DYNC2H1: variants seen among roughly 807,000 people sequenced by gnomAD.
The protein encoded by DYNC2H1 is dynein cytoplasmic 2 heavy chain 1, also known as cytoplasmic dynein 2 heavy chain 1.
A neutral mutation model predicts 570.0 loss-of-function variants in DYNC2H1; 410 were observed. That is an observed-to-expected ratio of 0.72 (90% CI 0.66 to 0.78). The LOEUF is 0.78. DYNC2H1 is among the 30% of genes least tolerant of loss of function. DYNC2H1 has a pLI of 0.00. For missense variants in DYNC2H1, 4,865 were observed against 5,046.4 expected (o/e 0.96, Z 1.09); for synonymous variants, 1,688 against 1,677.6 (o/e 1.01, Z -0.15).
chr11:103,479,260 A>T lies in DYNC2H1; in HGVS notation c.*7A>T. On this transcript the variant is annotated 3_prime_UTR_variant, in exon 89 of 89. Coordinates refer to ENST00000375735, the MANE Select transcript of DYNC2H1 (RefSeq NM_001377.3). ...ATTCCTAAAAAATCAGTAGAATCTA[A>T]TGACAACAAAAGCCATCTTCACAAA... 1 of 1,607,126 alleles carries T rather than the reference A, an allele frequency of 6.2e-7. No individual in the cohort carries two copies. The highest frequency in any genetic ancestry group is 8.5e-7 in the Non-Finnish European group (1 of 1,175,954).
chr11:103,409,386 G>A (rs1175281935), intron 84 of DYNC2H1, among the ~76,000 whole-genome samples: 2 of 146,966 alleles, frequency 1.4e-5, no homozygotes, highest in African/African-American at 5.1e-5. Context: ...GTAATGTTAG[G>A]AGTTCAGTAG....
At position 103,134,300 on chromosome 11, in the gene DYNC2H1, G is replaced by A. The variant is rs765200071; in HGVS notation, c.2107-21G>A. On this transcript the variant is annotated intron_variant, in intron 14 of 88. Coordinates refer to ENST00000375735, the MANE Select transcript of DYNC2H1 (RefSeq NM_001377.3). ...TTTTTCCAGCAATACTTTGAGACTA[G>A]CATGCTCTAATTTTTCATAGGTGGT... is the stretch of plus-strand genomic sequence containing the variant. 8.7e-6 allele frequency: 14 copies of A among 1,607,716 alleles called. No homozygotes were observed. The Admixed American group carries it at 2.3e-4, about 27-fold the overall frequency.
chr11:103,276,360 C>T (rs1865905957), intron 70 of DYNC2H1, among the ~76,000 whole-genome samples: 1 of 151,574 alleles, frequency 6.6e-6, no homozygotes. Context: ...CATATTTATC[C>T]CAACCTGTAG....
At chr11:103,115,109 G>A in intron 3 of DYNC2H1, 68 bp from the exon 4 acceptor site, 3 of 1,172,396 alleles carry the variant, frequency 2.6e-6, no homozygotes, top group Non-Finnish European at 2.5e-6. Flanking sequence ...TTGCTGCTCT[G>A]CTGTTTTGTA....
At chr11:103,218,337 A>C (rs1471714817) in intron 55 of DYNC2H1, among the ~76,000 whole-genome samples, 1 of 152,236 alleles carries the variant, frequency 6.6e-6, no homozygotes, top group Admixed American at 6.5e-5. Context: ...AGAAACAGCC[A>C]AACTATGATA....
rs192752934 is a variant in DYNC2H1, at chr11:103,167,285, G to A, written c.4762+1237G>A. 1.8e-3 allele frequency among the ~76,000 whole-genome samples: 263 copies of A among 150,266 alleles called. 1 individual carries two copies. Among genetic ancestry groups the A allele is most frequent in the African/African-American group, 6.2e-3 (252 of 40,920 alleles). ...AAAGTATTTTTTTTTTTTGGAGGGC[G>A]GGGACAGGTTCTTGCTCTGTTATCC... On this transcript the variant is annotated intron_variant, in intron 31 of 88. Coordinates refer to ENST00000375735, the MANE Select transcript of DYNC2H1 (RefSeq NM_001377.3).
rs1264606395 is a variant in DYNC2H1 at position 103,369,719 on chromosome 11, AGC to A, written c.12156+11361_12156+11362del. Among the ~76,000 whole-genome samples, 12 of 152,192 alleles carry A rather than the reference AGC, an allele frequency of 7.9e-5. No individual in the cohort carries two copies. Among genetic ancestry groups the A allele is most frequent in the Non-Finnish European group, 1.6e-4 (11 of 68,038 alleles). ...TTCGTAGACACTCACTGCATCAGAA[AGC>A]AACCTGCTGCCTTGAAGGGAAGTAC... On this transcript the variant is annotated intron_variant, in intron 83 of 88. Coordinates refer to ENST00000375735, the MANE Select transcript of DYNC2H1 (RefSeq NM_001377.3). This position sits in a 1 kb window ranked among gnomAD's most constrained non-coding sequence, Gnocchi z 4.0.
At chr11:103,125,365 G>GTT in intron 12 of DYNC2H1, 70 bp downstream of exon 12, 3 of 957,774 alleles carry the variant, frequency 3.1e-6, no homozygotes, top group Non-Finnish European at 4.2e-6. Flanking sequence ...TATGCTAAAG[G>GTT]CTTTTTTTTT....
rs117486581 is a variant in DYNC2H1, at chr11:103,366,083, G to A, written c.12156+7724G>A. 8.6e-3 allele frequency among the ~76,000 whole-genome samples: 1,312 copies of A among 152,290 alleles called. 15 individuals are homozygous for A. The highest frequency in any genetic ancestry group is 0.014 in the Non-Finnish European group (964 of 68,020). The stretch of plus-strand genomic sequence containing the variant: ...AACCAAGGATAATTGAATAGCTAGT[G>A]TCTCCTTAGGTGGTACAACAAAAAT... On this transcript the variant is annotated intron_variant, in intron 83 of 88. Transcript: ENST00000375735.
At chr11:103,339,791 G>A (rs1939350741) in intron 82 of DYNC2H1, among the ~76,000 whole-genome samples, 1 of 152,232 alleles carries the variant, frequency 6.6e-6, no homozygotes, top group African/African-American at 2.4e-5. Context: ...AGAGGCCCAG[G>A]CCACTTTATT....
chr11:103,411,860 GCCTCAGAAA>G, intron 84 of DYNC2H1, among the ~76,000 whole-genome samples: 1 of 152,082 alleles, frequency 6.6e-6, no homozygotes, highest in East Asian at 1.9e-4. Context: ...AAGAAATGCA[GCCTCAGAAA>G]ATATCACTAT....
Position 103,369,888 on chromosome 11 carries a change from C to T in DYNC2H1, c.12156+11529C>T, listed in dbSNP as rs954961594. On this transcript the variant is annotated intron_variant, in intron 83 of 88. Coordinates refer to ENST00000375735, the MANE Select transcript of DYNC2H1 (RefSeq NM_001377.3). The surrounding 1 kb of genome is among the most constrained non-coding windows in gnomAD (Gnocchi z 4.0). ...GGCTTCAGGTGAGACTCAGCACATTCCCAGCTGTGGTGGTTGTGGAGAAAG... is the reference window on the plus strand; with the variant it reads ...GGCTTCAGGTGAGACTCAGCACATTTCCAGCTGTGGTGGTTGTGGAGAAAG... Among the ~76,000 whole-genome samples the T allele has an allele frequency of 6.6e-6, 1 of 152,164 alleles. No homozygotes were observed. The highest frequency in any genetic ancestry group is 2.4e-5 in the African/African-American group (1 of 41,452).
intron 85 of DYNC2H1, among the ~76,000 whole-genome samples, chr11:103,442,575 G>T (rs963431471): frequency 1.3e-5 from 2 of 152,044 alleles, no homozygotes; most frequent in Non-Finnish European, 2.9e-5. Flanking sequence ...AGTACTCTAT[G>T]GTCTACAATG....
At chr11:103,413,651 G>A (rs1591712257) in intron 84 of DYNC2H1, among the ~76,000 whole-genome samples, 1 of 152,128 alleles carries the variant, frequency 6.6e-6, no homozygotes, top group East Asian at 1.9e-4. Context: ...TGTTTGAACT[G>A]AACTGCATAT....
In DYNC2H1 at chr11:103,120,799, G is replaced by C. The variant is rs1335289406; in HGVS notation, c.1245G>C (p.Gln415His). 1 of 1,509,314 alleles carries C rather than the reference G, an allele frequency of 6.6e-7. No individual in the cohort carries two copies. The highest frequency in any genetic ancestry group is 8.9e-7 in the Non-Finnish European group (1 of 1,126,158). The allele number at this position is 1,509,314 out of a possible 1,614,324, so 93.5% of individuals were successfully genotyped here. A position where few individuals can be genotyped will look rare whatever the true frequency, so the allele number is the denominator to read the frequency against. The change falls in exon 8 of 89, where the codon CAG (glutamine) becomes CAC (histidine). Residue 415 changes from glutamine (Q) to histidine (H), a missense_variant. This residue lies in a region of DYNC2H1 where 1,936 missense variants were observed against 1,962.1 expected (regional missense o/e 0.99). Coordinates refer to ENST00000375735, the MANE Select transcript of DYNC2H1 (RefSeq NM_001377.3). ...TTTCAGAAATTCAAGACAGTCCACA[G>C]CAGGTAAAACATTGAGATATTTCAC... ...NYISEIQDSPQQLLQAFLKYK... is the reference protein window; with the variant it reads ...NYISEIQDSPHQLLQAFLKYK...
chr11:103,159,298 A>G (rs1384396393), intron 28 of DYNC2H1, among the ~76,000 whole-genome samples: 2 of 152,256 alleles, frequency 1.3e-5, no homozygotes, highest in African/African-American at 4.8e-5. Context: ...GGGCATCATG[A>G]AGTAAGTGAC....
At chr11:103,132,930 G>A (rs186292171) in intron 13 of DYNC2H1, among the ~76,000 whole-genome samples, 1 of 152,202 alleles carries the variant, frequency 6.6e-6, no homozygotes, top group East Asian at 1.9e-4. Flanking sequence ...ACCACTGTGA[G>A]TGGGGTGGGA....
intron 55 of DYNC2H1, among the ~76,000 whole-genome samples, chr11:103,217,767 C>T (rs919559431): frequency 5.9e-5 from 9 of 151,866 alleles, no homozygotes; most frequent in African/African-American, 1.2e-4. Flanking sequence ...AAATAAATTC[C>T]GAAATGAAAA....
intron 83 of DYNC2H1, among the ~76,000 whole-genome samples, chr11:103,380,222 G>A (rs753378266): frequency 9.2e-5 from 14 of 152,124 alleles, no homozygotes; most frequent in Non-Finnish European, 1.9e-4. Context: ...GTAAACAGTC[G>A]AGATAACTCA....
Sources: gnomAD v4.1 joint callset for allele counts (sites outside exome capture counted in the v4.1 genomes callset) on GRCh38, gnomAD v4.1.1 for gene constraint, gnomAD v4.1.1 regional missense constraint, Gnocchi (gnomAD v3.1) non-coding constraint, MANE v1.5 for transcripts, NCBI Gene and HGNC (gene_info 2026-07-23, HGNC 2026-07-21) for gene names.